Variants in STAG1 observed in about 807,000 individuals in gnomAD.
STAG1 encodes cohesin subunit SA-1.
In STAG1, 26 loss-of-function variants were observed where a neutral mutation model predicts 170.9. That is an observed-to-expected ratio of 0.15 (90% CI 0.11 to 0.21). The LOEUF (loss-of-function observed/expected upper bound fraction) is 0.21. Among genes scored for constraint, STAG1 ranks in the 10% least tolerant of loss-of-function variants. The pLI, the probability that STAG1 is intolerant of heterozygous loss-of-function variation, is 1.00. For synonymous variants in STAG1, 514 were observed against 497.7 expected, an observed-to-expected ratio of 1.03 and a Z score of -0.44; for missense variants, 964 against 1,509.5, an observed-to-expected ratio of 0.64 and a Z score of 5.99.
chr3:136,583,945 G>GT (rs1937676730), intron 4 of STAG1, among the ~76,000 whole-genome samples: 2 of 152,268 alleles, frequency 1.3e-5, no homozygotes, highest in African/African-American at 4.8e-5. Context: ...TCTCCTCATA[G>GT]TATTTTCCCC....
chr3:136,556,080 G>C (rs1484257310), intron 5 of STAG1, among the ~76,000 whole-genome samples: 1 of 152,058 alleles, frequency 6.6e-6, no homozygotes, highest in Non-Finnish European at 1.5e-5. Flanking sequence ...AATATCAGTG[G>C]TAGACATGCT....
intron 1 of STAG1, among the ~76,000 whole-genome samples, chr3:136,632,029 A>C (rs1258267526): frequency 6.6e-6 from 1 of 152,236 alleles, no homozygotes; most frequent in African/African-American, 2.4e-5. Context: ...GGATACATAC[A>C]TACAGAAAGA....
intron 3 of STAG1, among the ~76,000 whole-genome samples, chr3:136,619,970 G>A (rs996476494): frequency 6.6e-6 from 1 of 152,010 alleles, no homozygotes; most frequent in Non-Finnish European, 1.5e-5. Context: ...GGCTGAGGAG[G>A]TGGGAGAACT....
intron 6 of STAG1, among the ~76,000 whole-genome samples, chr3:136,532,339 G>GT (rs916020667): frequency 1.3e-5 from 2 of 152,090 alleles, no homozygotes; most frequent in African/African-American, 4.8e-5. Flanking sequence ...TGTTGTTGTT[G>GT]TTTTTGCTGT....
At chr3:136,678,838 C>G (rs971015658) in intron 1 of STAG1, among the ~76,000 whole-genome samples, 1 of 142,732 alleles carries the variant, frequency 7.0e-6, no homozygotes, top group Non-Finnish European at 1.5e-5. Flanking sequence ...CATAGCAAGA[C>G]CCCCATGCTC....
intron 14 of STAG1, among the ~76,000 whole-genome samples, chr3:136,450,646 T>C (rs1199549529): frequency 6.6e-6 from 1 of 152,262 alleles, no homozygotes; most frequent in East Asian, 1.9e-4. Flanking sequence ...TTCACTGACA[T>C]TCTAGCACAA....
At chr3:136,405,221 G>GA (rs921663081) in intron 21 of STAG1, among the ~76,000 whole-genome samples, 4 of 123,628 alleles carry the variant, frequency 3.2e-5, no homozygotes, top group Admixed American at 1.8e-4. Flanking sequence ...ATAAACACAT[G>GA]AAAAAACCTC....
At chr3:136,440,588 C>A (rs1173841992) in intron 15 of STAG1, among the ~76,000 whole-genome samples, 2 of 151,962 alleles carry the variant, frequency 1.3e-5, no homozygotes, top group African/African-American at 4.8e-5. Flanking sequence ...ATGAATGGAA[C>A]CTACCATTGA....
At chr3:136,672,829 C>A (rs1942020081) in intron 1 of STAG1, among the ~76,000 whole-genome samples, 1 of 152,018 alleles carries the variant, frequency 6.6e-6, no homozygotes, top group South Asian at 2.1e-4. Context: ...TATTGTTAGA[C>A]AAAGACCATG....
At chr3:136,724,498 C>T (rs916211852) in intron 1 of STAG1, among the ~76,000 whole-genome samples, 2 of 151,564 alleles carry the variant, frequency 1.3e-5, no homozygotes, top group African/African-American at 4.9e-5. Flanking sequence ...CATAGGAAAA[C>T]CAGAGACCTT....
chr3:136,720,779 A>G (rs1933205222), intron 1 of STAG1, among the ~76,000 whole-genome samples: 1 of 151,440 alleles, frequency 6.6e-6, no homozygotes, highest in South Asian at 2.1e-4. Flanking sequence ...ACAGAGCAAG[A>G]TTCCATCTCA....
intron 5 of STAG1, among the ~76,000 whole-genome samples, chr3:136,544,601 A>G (rs1029776230): frequency 6.6e-6 from 1 of 151,974 alleles, no homozygotes; most frequent in African/African-American, 2.4e-5. Flanking sequence ...CATCTCTACT[A>G]AAAATACAAA....
chr3:136,365,653 G>A (rs1383150856), intron 25 of STAG1, among the ~76,000 whole-genome samples: 3 of 152,088 alleles, frequency 2.0e-5, no homozygotes, highest in Non-Finnish European at 2.9e-5. Flanking sequence ...TACCATCGGT[G>A]AGCTTGATGC....
chr3:136,348,495 A>G (rs1134160), intron 29 of STAG1, among the ~76,000 whole-genome samples: 2 of 152,252 alleles, frequency 1.3e-5, no homozygotes, highest in Middle Eastern at 6.8e-3. Flanking sequence ...TGCAACCTCA[A>G]ACTTCTGGGC....
chr3:136,526,363 C>G (rs1935027896), intron 6 of STAG1, among the ~76,000 whole-genome samples: 1 of 152,118 alleles, frequency 6.6e-6, no homozygotes, highest in South Asian at 2.1e-4. Context: ...CCTTCTTTGT[C>G]TCTTTCTATC....
At chr3:136,561,619 T>C (rs1192621948) in intron 5 of STAG1, among the ~76,000 whole-genome samples, 1 of 152,206 alleles carries the variant, frequency 6.6e-6, no homozygotes, top group Non-Finnish European at 1.5e-5. Context: ...TTCTCCTGAG[T>C]TTTCTAAACA....
chr3:136,743,370 A>G (rs1405474275), intron 1 of STAG1, among the ~76,000 whole-genome samples: 4 of 151,124 alleles, frequency 2.6e-5, no homozygotes, highest in Non-Finnish European at 5.9e-5. Flanking sequence ...CTCCTTCTCA[A>G]AAAAAAAAAA....
chr3:136,435,355 G>C (rs541625533), intron 15 of STAG1, among the ~76,000 whole-genome samples: 2 of 152,136 alleles, frequency 1.3e-5, no homozygotes, highest in Admixed American at 6.6e-5. Flanking sequence ...AATGCACTTA[G>C]CTAGCAGTAG....
intron 1 of STAG1, among the ~76,000 whole-genome samples, chr3:136,685,269 T>A (rs1942476459): frequency 6.6e-6 from 1 of 152,044 alleles, no homozygotes; most frequent in East Asian, 1.9e-4. Context: ...TAATCCAAGA[T>A]CGCACCATTG....
Sources: allele counts gnomAD v4.1 joint callset (sites outside exome capture counted in the v4.1 genomes callset), GRCh38; gene constraint gnomAD v4.1.1; transcripts MANE v1.5; gene names NCBI Gene and HGNC (gene_info 2026-07-23, HGNC 2026-07-21).